Variants in ZHX3 observed in about 807,000 individuals in gnomAD.
ZHX3 encodes the protein zinc fingers and homeoboxes protein 3.
ZHX3 carries 20 observed loss-of-function variants against 64.5 expected under a neutral mutation model. That is an observed-to-expected ratio of 0.31 (90% CI 0.22 to 0.45). The LOEUF is 0.45. Ranked by LOEUF, ZHX3 falls within the 20% of genes least tolerant of loss-of-function variation. ZHX3 has a pLI of 1.00. For synonymous variants in ZHX3, 423 were observed against 461.6 expected, an observed-to-expected ratio of 0.92 and a Z score of 1.07; for missense variants, 1,041 against 1,195.8, an observed-to-expected ratio of 0.87 and a Z score of 1.91.
At position 41,226,341 on chromosome 20, in the gene ZHX3, G is replaced by GCAAT. The variant is rs1379194905; in HGVS notation, c.-150-21279_-150-21276dup. ...ACTGAACTCCAGCCTGGGTGACAGG[G>GCAAT]CAATACTCTATTTCAAAAACAAAAG... On this transcript the variant is annotated intron_variant, in intron 2 of 3. Transcript: ENST00000683867. The surrounding 1 kb of genome is among the most constrained non-coding windows in gnomAD (Gnocchi z 4.4). Among the ~76,000 whole-genome samples the GCAAT allele has an allele frequency of 4.0e-5, 6 of 151,880 alleles. No individual in the cohort carries two copies. The highest frequency in any genetic ancestry group is 1.5e-4 in the African/African-American group (6 of 41,306).
At chr20:41,209,459 A>C (rs2038988620) in intron 2 of ZHX3, among the ~76,000 whole-genome samples, 1 of 152,370 alleles carries the variant, frequency 6.6e-6, no homozygotes. Context: ...ACAAGGCTAC[A>C]GTAACCAAAA....
intron 2 of ZHX3, among the ~76,000 whole-genome samples, chr20:41,243,284 C>T (rs1301064580): frequency 2.0e-5 from 3 of 152,208 alleles, no homozygotes; most frequent in Non-Finnish European, 4.4e-5. Flanking sequence ...TCTTCATTCT[C>T]AAGAAGTGTA....
Position 41,204,221 on chromosome 20 carries a change from G to A in ZHX3, c.696C>T (p.Phe232=), listed in dbSNP as rs890643959. 5 of 1,613,024 alleles carry A rather than the reference G, an allele frequency of 3.1e-6. No homozygotes were observed. Among genetic ancestry groups the A allele is most frequent in the South Asian group, 1.1e-5 (1 of 90,942 alleles). Residue 232 remains phenylalanine, a synonymous_variant, in exon 3 of 4, where the codon TTC becomes TTT. Coordinates refer to ENST00000683867, the MANE Select transcript of ZHX3 (RefSeq NM_001384317.1). This position sits in a 1 kb window ranked among gnomAD's most constrained non-coding sequence, Gnocchi z 6.6. ...GGCTGACTGGAACTGCCCCATTGAT[G>A]AAGGAATGGTCCCCCTCTCTCACCT... The part of the protein sequence containing the change: ...EMEVREGDHS[F]INGAVPVSQA...
Position 41,264,313 on chromosome 20 carries a change from G to A in ZHX3, c.-151+4677C>T, listed in dbSNP as rs529015077. On this transcript the variant is annotated intron_variant, in intron 2 of 3. Coordinates refer to ENST00000683867, the MANE Select transcript of ZHX3 (RefSeq NM_001384317.1). ...TCCCAGCACTGTGGGAGGCCGAGGC[G>A]GGTGGATCACGAGGTCAGGAGTTCA... Among the ~76,000 whole-genome samples the A allele has an allele frequency of 1.8e-3, 265 of 150,206 alleles. 2 individuals carry two copies. Among genetic ancestry groups the A allele is most frequent in the Middle Eastern group, 6.9e-3 (2 of 288 alleles).
rs2036214829 is a variant in ZHX3, at chr20:41,180,600, AC to A, written c.*4590del. The A allele has an allele frequency of 6.6e-6, 1 of 152,196 alleles. No homozygotes were observed. Among genetic ancestry groups the A allele is most frequent in the South Asian group, 2.1e-4 (1 of 4,824 alleles). 9.4% of individuals were successfully genotyped at this position (152,196 alleles called of 1,614,324 possible). A position where few individuals can be genotyped will look rare whatever the true frequency, so the allele number is the denominator to read the frequency against. Reference sequence around the variant, plus strand: ...TGAAGAACCAAAAAGGAGGCTCTCAACCCCTCTCCAAGGCCAGACGCTCTCT... The same window carrying A: ...TGAAGAACCAAAAAGGAGGCTCTCAACCCTCTCCAAGGCCAGACGCTCTCT... On this transcript the variant is annotated 3_prime_UTR_variant, in exon 4 of 4. Coordinates refer to ENST00000683867, the MANE Select transcript of ZHX3 (RefSeq NM_001384317.1).
chr20:41,204,793 G>T lies in ZHX3; in HGVS notation c.124C>A (p.Pro42Thr), dbSNP rs753391635. Residue 42 changes from proline to threonine, a missense_variant, in exon 3 of 4, where the codon CCC becomes ACC. Pro to Thr is a conservative substitution (Grantham distance 38). This residue lies in a region of ZHX3 where 358 missense variants were observed against 369.1 expected (regional missense o/e 0.97). Coordinates refer to ENST00000683867, the MANE Select transcript of ZHX3 (RefSeq NM_001384317.1). This position sits in a 1 kb window ranked among gnomAD's most constrained non-coding sequence, Gnocchi z 6.6. ...TLPEGPQQDLPPEASAASSEA... is the reference protein window; with the variant it reads ...TLPEGPQQDLTPEASAASSEA... ...CTGCTGGCAGCAGATGCTTCTGGGGGCAGATCCTGCTGGGGTCCTTCAGGC... is the reference window on the plus strand; with the variant it reads ...CTGCTGGCAGCAGATGCTTCTGGGGTCAGATCCTGCTGGGGTCCTTCAGGC... 6.2e-7 allele frequency: 1 copy of T among 1,613,678 alleles called. No homozygotes were observed. Among genetic ancestry groups the T allele is most frequent in the Non-Finnish European group, 8.5e-7 (1 of 1,179,660 alleles).
chr20:41,218,416 C>A (rs1167416621), intron 2 of ZHX3, among the ~76,000 whole-genome samples: 1 of 147,544 alleles, frequency 6.8e-6, no homozygotes, highest in Non-Finnish European at 1.5e-5. Flanking sequence ...TGCACTTTAG[C>A]CTGGGCAACA....
intron 3 of ZHX3, among the ~76,000 whole-genome samples, chr20:41,186,763 T>TA (rs1469412426): frequency 1.3e-5 from 2 of 152,232 alleles, no homozygotes; most frequent in African/African-American, 4.8e-5. Context: ...TTCATGTACT[T>TA]ATTGGCCATT....
intron 1 of ZHX3, among the ~76,000 whole-genome samples, chr20:41,314,777 C>T (rs1269057691): frequency 6.6e-6 from 1 of 152,192 alleles, no homozygotes; most frequent in East Asian, 1.9e-4. Context: ...TAACTCATGA[C>T]ACAGCTACCT....
At chr20:41,245,623 C>G (rs535887468) in intron 2 of ZHX3, among the ~76,000 whole-genome samples, 5 of 152,246 alleles carry the variant, frequency 3.3e-5, no homozygotes, top group Non-Finnish European at 5.9e-5. Flanking sequence ...CTCCTATGCT[C>G]AGCAGCCACT....
At chr20:41,220,681 GTTTTGTTTTGT>G (rs1304200932) in intron 2 of ZHX3, among the ~76,000 whole-genome samples, 3 of 151,268 alleles carry the variant, frequency 2.0e-5, no homozygotes, top group Admixed American at 6.6e-5. Flanking sequence ...GGTTTTTTTT[GTTTTGTTTTGT>G]TTTTGTTTTG....
intron 3 of ZHX3, among the ~76,000 whole-genome samples, chr20:41,194,690 AC>A (rs1398266907): frequency 2.0e-5 from 3 of 152,128 alleles, no homozygotes; most frequent in Admixed American, 6.5e-5. Context: ...GGGGTCCTAG[AC>A]TTGTCACTGT....
chr20:41,316,676 C>T (rs1028336603), intron 1 of ZHX3, among the ~76,000 whole-genome samples: 2 of 152,206 alleles, frequency 1.3e-5, no homozygotes, highest in African/African-American at 4.8e-5. Context: ...ATAAGTTTCT[C>T]GCAGGGCACA....
chr20:41,185,174 C>T lies in ZHX3; in HGVS notation c.*17G>A. ...GTTTCCCAGACTGGCCAGTCCTTCA[C>T]ATTAATCAGATCAAATTCAGTCTGT... On this transcript the variant is annotated 3_prime_UTR_variant, in exon 4 of 4. Transcript: ENST00000683867. The surrounding 1 kb of genome is among the most constrained non-coding windows in gnomAD (Gnocchi z 5.0). 1 of 1,608,872 alleles carries T rather than the reference C, an allele frequency of 6.2e-7. No homozygotes were observed. The highest frequency in any genetic ancestry group is 1.1e-5 in the South Asian group (1 of 90,058).
intron 1 of ZHX3, among the ~76,000 whole-genome samples, chr20:41,315,174 T>G (rs551926760): frequency 6.6e-6 from 1 of 152,210 alleles, no homozygotes; most frequent in Non-Finnish European, 1.5e-5. Context: ...GCAAAGGCAC[T>G]GAGGCTGGAG....
chr20:41,265,040 C>T (rs531402797), intron 2 of ZHX3, among the ~76,000 whole-genome samples: 4 of 152,224 alleles, frequency 2.6e-5, no homozygotes, highest in African/African-American at 9.6e-5. Flanking sequence ...TTTATCATCA[C>T]TATTAACACA....
chr20:41,186,603 C>T (rs555449195), intron 3 of ZHX3, among the ~76,000 whole-genome samples: 5 of 152,192 alleles, frequency 3.3e-5, no homozygotes, highest in African/African-American at 1.2e-4. Flanking sequence ...TTTTATATTC[C>T]CACCAGCAAT....
chr20:41,236,224 C>T (rs1030937689), intron 2 of ZHX3, among the ~76,000 whole-genome samples: 1 of 152,132 alleles, frequency 6.6e-6, no homozygotes, highest in African/African-American at 2.4e-5. Flanking sequence ...TCAATGCCAA[C>T]CCCATCAAGC....
intron 2 of ZHX3, among the ~76,000 whole-genome samples, chr20:41,205,678 GT>G (rs1404320319): frequency 6.6e-6 from 1 of 152,168 alleles, no homozygotes; most frequent in Non-Finnish European, 1.5e-5. Context: ...TCACCTTACA[GT>G]TACTGGCTGT....
Sources: gnomAD v4.1 joint callset for allele counts (sites outside exome capture counted in the v4.1 genomes callset) on GRCh38, gnomAD v4.1.1 for gene constraint, gnomAD v4.1.1 regional missense constraint, Gnocchi (gnomAD v3.1) non-coding constraint, MANE v1.5 for transcripts, NCBI Gene and HGNC (gene_info 2026-07-23, HGNC 2026-07-21) for gene names.